CCDC88C: variants seen among roughly 807,000 people sequenced by gnomAD.
CCDC88C encodes the protein coiled-coil and HOOK domain protein 88C.
CCDC88C carries 131 observed loss-of-function variants against 198.8 expected under a neutral mutation model. That is an observed-to-expected ratio of 0.66 (90% CI 0.57 to 0.76). CCDC88C has a LOEUF of 0.76. Among genes scored for constraint, CCDC88C ranks in the 30% least tolerant of loss-of-function variants. CCDC88C has a pLI of 0.00. For synonymous variants in CCDC88C, 1,166 were observed against 1,114.7 expected (o/e 1.05, Z -0.92); for missense variants, 2,553 against 2,631.6 (o/e 0.97, Z 0.65).
At position 91,313,116 on chromosome 14, in the gene CCDC88C, G is replaced by T. The variant is rs748230899; in HGVS notation, c.2700C>A (p.Val900=). The change falls in exon 15 of 30, where the codon GTC becomes GTA. Residue 900 remains valine, a synonymous_variant. Transcript: ENST00000389857. The surrounding 1 kb of genome is among the most constrained non-coding windows in gnomAD (Gnocchi z 5.2). ...TTGTCAGTGTCCTTGCATGCACGGT[G>T]ACTTGCTTGGTGAGGTCCCGGTTGT... ...EKDNRDLTKQ[V]TVHARTLTTL... The T allele has an allele frequency of 1.4e-5, 23 of 1,602,492 alleles. No homozygotes were observed. The South Asian group carries it at 1.8e-4, about 12-fold the overall frequency.
At chr14:91,316,056 G>T (rs148085318) in intron 13 of CCDC88C, among the ~76,000 whole-genome samples, 42 of 152,304 alleles carry the variant, frequency 2.8e-4, no homozygotes, top group Non-Finnish European at 5.4e-4. Context: ...GGCCGCCACC[G>T]CTGGGTGCCC....
In CCDC88C at chr14:91,274,789, C is replaced by T. The variant is rs113622154; in HGVS notation, c.5059-1136G>A. On this transcript the variant is annotated intron_variant, in intron 29 of 29. Transcript: ENST00000389857. ...ACTCATTTAATTCTCAAAATGACCTCGCAAGGTTGTTGAAAGGCTGTATCA... is the reference window on the plus strand; with the variant it reads ...ACTCATTTAATTCTCAAAATGACCTTGCAAGGTTGTTGAAAGGCTGTATCA... Among the ~76,000 whole-genome samples, 324 of 152,280 alleles carry T rather than the reference C, an allele frequency of 2.1e-3. 1 individual carries two copies. Among genetic ancestry groups the T allele is most frequent in the African/African-American group, 7.5e-3 (312 of 41,552 alleles).
intron 25 of CCDC88C, 66 bp from the exon 26 acceptor site, chr14:91,283,583 C>T (rs2139729327): frequency 1.4e-6 from 2 of 1,470,850 alleles, no homozygotes; most frequent in Non-Finnish European, 9.3e-7. Context: ...GGAAACCACA[C>T]CATGGCCTAG....
At chr14:91,286,155 T>G (rs1469936264) in intron 25 of CCDC88C, among the ~76,000 whole-genome samples, 1 of 152,190 alleles carries the variant, frequency 6.6e-6, no homozygotes, top group Non-Finnish European at 1.5e-5. Context: ...TGTGCCAAAT[T>G]ATTAAACACT....
chr14:91,346,349 C>T (rs944884404), intron 4 of CCDC88C, among the ~76,000 whole-genome samples: 1 of 152,226 alleles, frequency 6.6e-6, no homozygotes, highest in Non-Finnish European at 1.5e-5. Context: ...AGGCCACTTT[C>T]CTGCTCTGGA....
chr14:91,290,549 G>A (rs1019699675), intron 24 of CCDC88C, among the ~76,000 whole-genome samples: 1 of 152,236 alleles, frequency 6.6e-6, no homozygotes, highest in Admixed American at 6.5e-5. Context: ...GAGGTTCTGT[G>A]AATCCAGAAA....
intron 4 of CCDC88C, among the ~76,000 whole-genome samples, chr14:91,344,734 C>T (rs1430694254): frequency 8.6e-5 from 13 of 151,236 alleles, no homozygotes; most frequent in East Asian, 1.9e-4. Context: ...CTCCTGACCT[C>T]GTGATCCGCC....
intron 15 of CCDC88C, among the ~76,000 whole-genome samples, chr14:91,311,510 G>A (rs2139800219): frequency 2.0e-5 from 3 of 152,314 alleles, no homozygotes; most frequent in Middle Eastern, 6.8e-3. Context: ...CGAGGAACCA[G>A]AAGAGGACTC....
At chr14:91,298,827 G>A (rs1891143864) in intron 21 of CCDC88C, among the ~76,000 whole-genome samples, 1 of 152,214 alleles carries the variant, frequency 6.6e-6, no homozygotes, top group Admixed American at 6.5e-5. Flanking sequence ...TCGAGTATGT[G>A]GGAGGAGGAA....
chr14:91,392,230 C>T (rs1885550251), intron 3 of CCDC88C, among the ~76,000 whole-genome samples: 1 of 152,136 alleles, frequency 6.6e-6, no homozygotes. Context: ...AGACCCAGAA[C>T]TTAACATGCT....
At chr14:91,405,146 C>G (rs1886415393) in intron 3 of CCDC88C, among the ~76,000 whole-genome samples, 1 of 152,040 alleles carries the variant, frequency 6.6e-6, no homozygotes, top group Non-Finnish European at 1.5e-5. Flanking sequence ...GGTCAAGGAC[C>G]CTTTGCCTCC....
At chr14:91,372,494 G>A (rs2139930849) in intron 3 of CCDC88C, among the ~76,000 whole-genome samples, 1 of 136,632 alleles carries the variant, frequency 7.3e-6, no homozygotes, top group Non-Finnish European at 1.6e-5. Flanking sequence ...GAAAGAACAA[G>A]GAGCAGGTGA....
chr14:91,412,320 G>A (rs1011493812), intron 2 of CCDC88C, among the ~76,000 whole-genome samples: 2 of 151,944 alleles, frequency 1.3e-5, no homozygotes, highest in Admixed American at 6.5e-5. Context: ...GATAACATTC[G>A]GAAGGCACTA....
intron 25 of CCDC88C, 94 bp from the exon 26 acceptor site, chr14:91,283,611 A>G (rs1390871928): frequency 1.6e-6 from 2 of 1,231,214 alleles, no homozygotes; most frequent in East Asian, 5.1e-5. Flanking sequence ...GCAGCAGGGC[A>G]TGAGGACCAC....
intron 10 of CCDC88C, 23 bp from the exon 11 acceptor site, chr14:91,326,079 A>G (rs1252948180): frequency 1.2e-6 from 2 of 1,601,834 alleles, no homozygotes; most frequent in African/African-American, 2.7e-5. Context: ...AACATACATG[A>G]GAACCATCAG....
intron 25 of CCDC88C, chr14:91,285,914 A>G: frequency 1.2e-6 from 1 of 827,216 alleles, no homozygotes; most frequent in Non-Finnish European, 1.7e-6. Flanking sequence ...CAATAATGAC[A>G]AATGAATCGA....
At chr14:91,362,651 C>T (rs370193860) in intron 3 of CCDC88C, among the ~76,000 whole-genome samples, 2 of 152,220 alleles carry the variant, frequency 1.3e-5, no homozygotes, top group African/African-American at 4.8e-5. Flanking sequence ...AACGTTTTGC[C>T]GGGCGCGGTG....
chr14:91,280,249 C>A (rs991717464), intron 27 of CCDC88C, among the ~76,000 whole-genome samples: 1 of 152,212 alleles, frequency 6.6e-6, no homozygotes, highest in Non-Finnish European at 1.5e-5. Context: ...AGAAGAGACA[C>A]CTGGGGTTCC....
At chr14:91,367,549 G>A (rs764402646) in intron 3 of CCDC88C, among the ~76,000 whole-genome samples, 15 of 152,124 alleles carry the variant, frequency 9.9e-5, no homozygotes, top group South Asian at 2.1e-4. Flanking sequence ...CAGAAGACAC[G>A]TACTGTGTAC....
Sources: gnomAD v4.1 joint callset for allele counts (sites outside exome capture counted in the v4.1 genomes callset) on GRCh38, gnomAD v4.1.1 for gene constraint, Gnocchi (gnomAD v3.1) non-coding constraint, MANE v1.5 for transcripts, NCBI Gene and HGNC (gene_info 2026-07-23, HGNC 2026-07-21) for gene names.